Variants in UACA observed in about 807,000 individuals in gnomAD.
The protein encoded by UACA is uveal autoantigen with coiled-coil domains and ankyrin repeats.
A neutral mutation model predicts 160.5 loss-of-function variants in UACA; 112 were observed. The observed-to-expected ratio is 0.70, with a 90% CI of 0.60 to 0.82. The LOEUF (loss-of-function observed/expected upper bound fraction) is 0.82, where lower values mean the gene tolerates loss of function less well. Ranked by LOEUF, UACA falls within the 40% of genes least tolerant of loss-of-function variation. UACA has a pLI of 0.00. For synonymous variants in UACA, 557 were observed against 568.4 expected (o/e 0.98, Z 0.29); for missense variants, 1,574 against 1,614.6 (o/e 0.97, Z 0.43).
chr15:70,717,832 G>T (rs919253243), intron 1 of UACA, among the ~76,000 whole-genome samples: 1 of 152,092 alleles, frequency 6.6e-6, no homozygotes, highest in Non-Finnish European at 1.5e-5. Context: ...AATCAGTTGA[G>T]ATTACCCTCT....
At chr15:70,706,814 C>T (rs543745438) in intron 1 of UACA, among the ~76,000 whole-genome samples, 1 of 152,264 alleles carries the variant, frequency 6.6e-6, no homozygotes, top group South Asian at 2.1e-4. Flanking sequence ...AATCTAAAGA[C>T]ATCCCAGGTT....
intron 3 of UACA, among the ~76,000 whole-genome samples, chr15:70,693,650 G>A (rs1159249508): frequency 6.6e-6 from 1 of 152,092 alleles, no homozygotes; most frequent in East Asian, 1.9e-4. Context: ...TGTCTGCTGA[G>A]CTTGGGGAAG....
Position 70,667,799 on chromosome 15 carries a change from G to A in UACA, c.2885C>T (p.Thr962Ile). The A allele has an allele frequency of 6.2e-7, 1 of 1,614,020 alleles. No individual in the cohort carries two copies. The highest frequency in any genetic ancestry group is 8.5e-7 in the Non-Finnish European group (1 of 1,179,994). ...CTGGGCTTTAATTTCGGCATGCAGT[G>A]TCACAATCTCTTCTTGGCCTTTTCT... Reference protein sequence around the residue: ...NYRKGQEEIVTLHAEIKAQKK... With the variant: ...NYRKGQEEIVILHAEIKAQKK... The change falls in exon 16 of 19, where the codon ACA becomes ATA. Residue 962 changes from threonine to isoleucine, a missense_variant. Transcript: ENST00000322954.
At chr15:70,764,623 C>T (rs562292955), upstream of UACA, among the ~76,000 whole-genome samples, 27 of 152,278 alleles carry the variant, frequency 1.8e-4, no homozygotes, top group African/African-American at 6.5e-4. Context: ...TATAGTAACG[C>T]AAGGTTTTCT....
chr15:70,701,376 T>G (rs1482421149), intron 1 of UACA, among the ~76,000 whole-genome samples: 3 of 152,166 alleles, frequency 2.0e-5, no homozygotes, highest in Non-Finnish European at 4.4e-5. Context: ...TACAAGACAT[T>G]GTGTTTTCAA....
chr15:70,694,115 A>C (rs952327017), intron 3 of UACA, among the ~76,000 whole-genome samples: 30 of 152,188 alleles, frequency 2.0e-4, no homozygotes, highest in Admixed American at 1.6e-3. Context: ...AAAGCCTTTT[A>C]GTTCTGGGTC....
chr15:70,679,078 A>C (rs973010851), intron 10 of UACA, among the ~76,000 whole-genome samples: 1 of 152,140 alleles, frequency 6.6e-6, no homozygotes, highest in African/African-American at 2.4e-5. Flanking sequence ...TACTGGACTC[A>C]AACATTGATA....
chr15:70,667,319 T>A lies in UACA; in HGVS notation c.3365A>T (p.Lys1122Ile). ...ATTTTCAATTGTGCCATTAAGAGATTTTTTCAGAGCCTCAACCTGTTCCAA... is the reference window on the plus strand; with the variant it reads ...ATTTTCAATTGTGCCATTAAGAGATATTTTCAGAGCCTCAACCTGTTCCAA... ...VPLEQVEALK[K>I]SLNGTIENLK... is the part of the protein sequence containing the mutation. Residue 1122 changes from lysine to isoleucine, a missense_variant, in exon 16 of 19, where the codon AAA (lysine) becomes ATA (isoleucine). Coordinates refer to ENST00000322954, the MANE Select transcript of UACA (RefSeq NM_018003.4). The A allele has an allele frequency of 6.2e-7, 1 of 1,611,306 alleles. No individual in the cohort carries two copies. The highest frequency in any genetic ancestry group is 8.5e-7 in the Non-Finnish European group (1 of 1,179,434).
At chr15:70,763,203 C>T in intron 1 of UACA, 127 bp downstream of exon 1, 1 of 1,076,078 alleles carries the variant, frequency 9.3e-7, no homozygotes, top group South Asian at 3.2e-5. Flanking sequence ...AGGGAGGAGT[C>T]GCCAGGGCCG....
At chr15:70,774,493 C>T in the UACA span, among the ~76,000 whole-genome samples, 2 of 147,982 alleles carry the variant, frequency 1.4e-5, no homozygotes, top group African/African-American at 2.6e-5. Context: ...TTGCAGTGAG[C>T]CAAGATCGTG....
At position 70,669,047 on chromosome 15, in the gene UACA, A is replaced by C. The variant is rs1266089926; in HGVS notation, c.1637T>G (p.Leu546Trp). ...HRLTEELKDQ[L>W]KDLKVKYEGA... ...TTCATATTTTACTTTCAAGTCTTTCAACTGATCCTTCAGTTCCTCGGTTAG... is the reference window on the plus strand; with the variant it reads ...TTCATATTTTACTTTCAAGTCTTTCCACTGATCCTTCAGTTCCTCGGTTAG... The change falls in exon 16 of 19, where the codon TTG (leucine) becomes TGG (tryptophan). Residue 546 changes from leucine to tryptophan, a missense_variant. Coordinates refer to ENST00000322954, the MANE Select transcript of UACA (RefSeq NM_018003.4). The C allele has an allele frequency of 6.2e-7, 1 of 1,613,934 alleles. No individual in the cohort carries two copies. The highest frequency in any genetic ancestry group is 2.2e-5 in the East Asian group (1 of 44,884).
At chr15:70,741,578 T>C (rs1899536156) in intron 1 of UACA, among the ~76,000 whole-genome samples, 1 of 152,254 alleles carries the variant, frequency 6.6e-6, no homozygotes, top group Admixed American at 6.5e-5. Context: ...TAAAAGTAGT[T>C]TCTAATTTAA....
intron 10 of UACA, among the ~76,000 whole-genome samples, chr15:70,679,338 G>T (rs867563889): frequency 6.6e-6 from 1 of 151,782 alleles, no homozygotes; most frequent in Non-Finnish European, 1.5e-5. Flanking sequence ...GGGAGGCAGA[G>T]GTTGCAGTGA....
rs1896932569 is a variant in UACA, at chr15:70,666,957, A to G, written c.3727T>C (p.Leu1243=). The change falls in exon 16 of 19, where the codon TTA becomes CTA. Residue 1243 remains leucine, a synonymous_variant. Coordinates refer to ENST00000322954, the MANE Select transcript of UACA (RefSeq NM_018003.4). Reference sequence around the variant, plus strand: ...TTCAGATTGGCCAATTTTTCATTTAAGCTAGAAATCTGTGTCTCCAAATCA... The same window carrying G: ...TTCAGATTGGCCAATTTTTCATTTAGGCTAGAAATCTGTGTCTCCAAATCA... ...KSDLETQISS[L]NEKLANLNRK... is the part of the protein sequence containing the mutation. 1 of 1,612,344 alleles carries G rather than the reference A, an allele frequency of 6.2e-7. No individual in the cohort carries two copies.
rs530882311 is a variant in UACA, at chr15:70,716,360, T to C, written c.79-16700A>G. On this transcript the variant is annotated intron_variant, in intron 1 of 18. Coordinates refer to ENST00000322954, the MANE Select transcript of UACA (RefSeq NM_018003.4). ...CAGCCACCAGACGACTGCAGCCACA[T>C]GAGTGACCCCAGACAGACCAGACCA... Among the ~76,000 whole-genome samples the C allele has an allele frequency of 2.0e-5, 3 of 152,262 alleles. No homozygotes were observed. In the South Asian group the frequency reaches 6.2e-4, roughly 32 times the overall value.
chr15:70,735,499 A>G (rs1303112336), intron 1 of UACA, among the ~76,000 whole-genome samples: 3 of 152,128 alleles, frequency 2.0e-5, no homozygotes, highest in Non-Finnish European at 4.4e-5. Flanking sequence ...ATTGATGTTT[A>G]TTCTCTCAAT....
intron 1 of UACA, among the ~76,000 whole-genome samples, chr15:70,713,181 C>A (rs1352071988): frequency 6.6e-6 from 1 of 152,002 alleles, no homozygotes. Flanking sequence ...TTTTAGTAGT[C>A]TCTACTAAAA....
At chr15:70,743,136 T>G (rs1191118724) in intron 1 of UACA, among the ~76,000 whole-genome samples, 1 of 152,188 alleles carries the variant, frequency 6.6e-6, no homozygotes, top group East Asian at 1.9e-4. Flanking sequence ...CCTCTCACAT[T>G]TCTTCTCACA....
At chr15:70,671,121 A>G (rs1460879258) in intron 14 of UACA, 30 bp from the exon 15 acceptor site, 1 of 1,463,568 alleles carries the variant, frequency 6.8e-7, no homozygotes, top group African/African-American at 1.4e-5. Context: ...TGACATTTTA[A>G]CTTCAATATC....
Sources: allele counts gnomAD v4.1 joint callset (sites outside exome capture counted in the v4.1 genomes callset), GRCh38; gene constraint gnomAD v4.1.1; transcripts MANE v1.5; gene names NCBI Gene and HGNC (gene_info 2026-07-23, HGNC 2026-07-21).